The following CBX6 variants were observed in gnomAD, a reference collection of about 807,000 sequenced individuals.
CBX6 encodes the protein chromobox 6.
Under a neutral mutation model 28.4 loss-of-function variants are expected in CBX6, and 7 were observed. The observed-to-expected ratio is 0.25, with a 90% CI of 0.14 to 0.46. The LOEUF is 0.46. CBX6 is among the 20% of genes least tolerant of loss of function. CBX6 has a pLI of 0.99. For synonymous variants in CBX6, 297 were observed against 273.4 expected (o/e 1.09, Z -0.85); for missense variants, 512 against 606.1 (o/e 0.84, Z 1.63).
At chr22:38,869,320 G>C (rs1157788400) in intron 4 of CBX6, among the ~76,000 whole-genome samples, 2 of 152,162 alleles carry the variant, frequency 1.3e-5, no homozygotes, top group Non-Finnish European at 2.9e-5. Flanking sequence ...GCAAATGGCA[G>C]GCCCGGAAAG....
chr22:38,866,536 G>A lies in CBX6; in HGVS notation c.912C>T (p.Ala304=), dbSNP rs776713377. 6.3e-7 allele frequency: 1 copy of A among 1,580,394 alleles called. No homozygotes were observed. The highest frequency in any genetic ancestry group is 1.8e-5 in the Admixed American group (1 of 56,592). ...KLLPETVSPS[A]PSWREPEVLD... is the part of the protein sequence containing the mutation. ...GCACCTCCGGCTCGCGCCAGCTGGG[G>A]GCGGATGGGCTCACGGTCTCGGGGA... Residue 304 remains alanine, a synonymous_variant, in exon 5 of 5, where the codon GCC becomes GCT. Transcript: ENST00000407418. The surrounding 1 kb of genome is among the most constrained non-coding windows in gnomAD (Gnocchi z 7.5).
In CBX6 at chr22:38,861,795, T is replaced by G. The variant is rs948141649; in HGVS notation, c.*4414A>C. On this transcript the variant is annotated 3_prime_UTR_variant, in exon 5 of 5. Coordinates refer to ENST00000407418, the MANE Select transcript of CBX6 (RefSeq NM_014292.5). ...AAAGTTTAGCCAGCTGGGAGCTGGA[T>G]GGTTGAACCACATACAAAGGCAACA... 2.0e-5 allele frequency: 3 copies of G among 152,202 alleles called. No homozygotes were observed. Among genetic ancestry groups the G allele is most frequent in the African/African-American group, 7.2e-5 (3 of 41,446 alleles). The allele number at this position is 152,202 out of a possible 1,614,324, so 9.4% of individuals were successfully genotyped here.
Position 38,866,091 on chromosome 22 carries a change from G to A in CBX6, c.*118C>T. On this transcript the variant is annotated 3_prime_UTR_variant, in exon 5 of 5. Coordinates refer to ENST00000407418, the MANE Select transcript of CBX6 (RefSeq NM_014292.5). This position sits in a 1 kb window ranked among gnomAD's most constrained non-coding sequence, Gnocchi z 7.5. ...AGCCCCATCCCTGGGTCAACACCGA[G>A]CCATTTGAGACAAGCAAAGCACAGG... 1.2e-6 allele frequency: 1 copy of A among 824,544 alleles called. No individual in the cohort carries two copies. The highest frequency in any genetic ancestry group is 1.9e-6 in the Non-Finnish European group (1 of 536,984). 51.1% of individuals were successfully genotyped at this position (824,544 alleles called of 1,614,324 possible).
At chr22:38,869,858 T>C (rs903724965) in intron 4 of CBX6, 9 of 152,222 alleles carry the variant, frequency 5.9e-5, no homozygotes, top group African/African-American at 1.9e-4. Context: ...CATGGGCTCC[T>C]GTTTGCTTCA....
In CBX6 at chr22:38,871,230, C is replaced by T. The variant is rs2093181344; in HGVS notation, c.246+250G>A. ...CCCTTTCCTGGAGCCCTAAAGGCAT[C>T]CCCAGCCCCTGGTTTCAACAGGGAG... On this transcript the variant is annotated intron_variant, in intron 4 of 4. Coordinates refer to ENST00000407418, the MANE Select transcript of CBX6 (RefSeq NM_014292.5). This position sits in a 1 kb window ranked among gnomAD's most constrained non-coding sequence, Gnocchi z 5.6. 1 of 585,998 alleles carries T rather than the reference C, an allele frequency of 1.7e-6. No individual in the cohort carries two copies. Among genetic ancestry groups the T allele is most frequent in the Admixed American group, 3.2e-5 (1 of 31,512 alleles). 36.3% of individuals were successfully genotyped at this position (585,998 alleles called of 1,614,324 possible). A position where few individuals can be genotyped will look rare whatever the true frequency, so the allele number is the denominator to read the frequency against.
intron 4 of CBX6, among the ~76,000 whole-genome samples, chr22:38,868,322 T>C (rs574669010): frequency 6.6e-6 from 1 of 152,182 alleles, no homozygotes; most frequent in East Asian, 1.9e-4. Flanking sequence ...GAATATGAAG[T>C]GATTTCGTGC....
In CBX6 at chr22:38,871,992, C is replaced by T; in HGVS notation, c.70-47G>A. The T allele has an allele frequency of 2.2e-6, 3 of 1,354,136 alleles. No homozygotes were observed. Among genetic ancestry groups the T allele is most frequent in the Non-Finnish European group, 3.0e-6 (3 of 1,012,024 alleles). 83.9% of individuals were successfully genotyped at this position (1,354,136 alleles called of 1,614,324 possible). A position where few individuals can be genotyped will look rare whatever the true frequency, so the allele number is the denominator to read the frequency against. On this transcript the variant is annotated intron_variant, in intron 1 of 4. Transcript: ENST00000407418. The surrounding 1 kb of genome is among the most constrained non-coding windows in gnomAD (Gnocchi z 5.6). ...AACGGGGGTGGGGGTGGGGAGGATGCGGGGACGCGAGGAGGCGGCGGCGCG... is the reference window on the plus strand; with the variant it reads ...AACGGGGGTGGGGGTGGGGAGGATGTGGGGACGCGAGGAGGCGGCGGCGCG...
Position 38,864,027 on chromosome 22 carries a change from C to T in CBX6, c.*2182G>A, listed in dbSNP as rs735306. ...TGTTGTCCTTCCCTTTGAGCAAGCACGGGTGTGGAGATCTGGGTCCAGGCC... is the reference window on the plus strand; with the variant it reads ...TGTTGTCCTTCCCTTTGAGCAAGCATGGGTGTGGAGATCTGGGTCCAGGCC... On this transcript the variant is annotated 3_prime_UTR_variant, in exon 5 of 5. Coordinates refer to ENST00000407418, the MANE Select transcript of CBX6 (RefSeq NM_014292.5). 0.5 allele frequency: 76,483 copies of T among 152,118 alleles called. 22,739 individuals are homozygous for T. The highest frequency in any genetic ancestry group is 0.84 in the African/African-American group (34,924 of 41,514). 9.4% of individuals were successfully genotyped at this position (152,118 alleles called of 1,614,324 possible). A position where few individuals can be genotyped will look rare whatever the true frequency, so the allele number is the denominator to read the frequency against.
At position 38,866,435 on chromosome 22, in the gene CBX6, G is replaced by A. The variant is rs745679342; in HGVS notation, c.1013C>T (p.Pro338Leu). 14 of 1,609,182 alleles carry A rather than the reference G, an allele frequency of 8.7e-6. No individual in the cohort carries two copies. In the Admixed American group the frequency reaches 2.0e-4, roughly 23 times the overall value. Reference protein sequence around the residue: ...APPEVTAAAGPAPPTAPEPAG... With the variant: ...APPEVTAAAGLAPPTAPEPAG... ...GGGCTCAGGGGCCGTGGGAGGTGCC[G>A]GGCCGGCAGCAGCTGTGACCTCAGG... Residue 338 changes from proline (P) to leucine (L), a missense_variant, in exon 5 of 5, where the codon CCG becomes CTG. Physicochemically the swap from Pro to Leu is moderately conservative, Grantham distance 98. This residue lies in a region of CBX6 where 290 missense variants were observed against 274.1 expected (regional missense o/e 1.06). Coordinates refer to ENST00000407418, the MANE Select transcript of CBX6 (RefSeq NM_014292.5). The surrounding 1 kb of genome is among the most constrained non-coding windows in gnomAD (Gnocchi z 7.5).
At position 38,866,477 on chromosome 22, in the gene CBX6, G is replaced by C; in HGVS notation, c.971C>G (p.Thr324Ser). 6.2e-7 allele frequency: 1 copy of C among 1,600,674 alleles called. No homozygotes were observed. Among genetic ancestry groups the C allele is most frequent in the Non-Finnish European group, 8.5e-7 (1 of 1,177,192 alleles). The change falls in exon 5 of 5, where the codon ACC (threonine) becomes AGC (serine). Residue 324 changes from threonine to serine, a missense_variant. By Grantham distance (58) the Thr-to-Ser change is moderately conservative. This residue lies in a region of CBX6 where 290 missense variants were observed against 274.1 expected (regional missense o/e 1.06). Coordinates refer to ENST00000407418, the MANE Select transcript of CBX6 (RefSeq NM_014292.5). This position sits in a 1 kb window ranked among gnomAD's most constrained non-coding sequence, Gnocchi z 7.5. ...DLSLPPESAA[T>S]SKRAPPEVTA... ...GACCTCAGGCGGTGCCCGCTTGCTG[G>C]TGGCTGCCGACTCGGGAGGGAGGGA...
Position 38,871,420 on chromosome 22 carries a change from CGTGCTGTGCCGGGGCTGGGGGCCCGAG to C in CBX6, c.246+33_246+59del. The C allele has an allele frequency of 6.6e-7, 1 of 1,511,806 alleles. No individual in the cohort carries two copies. The highest frequency in any genetic ancestry group is 1.4e-5 in the African/African-American group (1 of 71,886). The allele number at this position is 1,511,806 out of a possible 1,614,324, so 93.6% of individuals were successfully genotyped here. On this transcript the variant is annotated intron_variant, in intron 4 of 4. Transcript: ENST00000407418. This position sits in a 1 kb window ranked among gnomAD's most constrained non-coding sequence, Gnocchi z 5.6. ...GTATCTGTCCCTCCCTTCCAGGCCCCGTGCTGTGCCGGGGCTGGGGGCCCGAGAGGGGGATGCTGCTGGGGCTGGGCC... is the reference window on the plus strand; with the variant it reads ...GTATCTGTCCCTCCCTTCCAGGCCCCAGGGGGATGCTGCTGGGGCTGGGCC...
chr22:38,871,691 C>T lies in CBX6; in HGVS notation c.179+1G>A. Reference sequence around the variant, plus strand: ...CCCTGCCAGCTTCCCCAACAACTCACTTTTGTTCGAAGGCTGCAATGAGCC... The same window carrying T: ...CCCTGCCAGCTTCCCCAACAACTCATTTTTGTTCGAAGGCTGCAATGAGCC... On this transcript the variant is annotated splice_donor_variant, in intron 3 of 4. Transcript: ENST00000407418. LOFTEE classifies it high-confidence loss of function. This position sits in a 1 kb window ranked among gnomAD's most constrained non-coding sequence, Gnocchi z 5.6. The T allele has an allele frequency of 6.2e-7, 1 of 1,613,482 alleles. No individual in the cohort carries two copies. The highest frequency in any genetic ancestry group is 8.5e-7 in the Non-Finnish European group (1 of 1,179,662).
At chr22:38,867,305 T>C in intron 4 of CBX6, 104 bp from the exon 5 acceptor site, 1 of 994,504 alleles carries the variant, frequency 1.0e-6, no homozygotes, top group Non-Finnish European at 1.4e-6. Context: ...CAGCCAGCGA[T>C]CCCGAGATCA....
Position 38,866,183 on chromosome 22 carries a change from A to C in CBX6, c.*26T>G. The C allele has an allele frequency of 2.4e-5, 36 of 1,489,722 alleles. No individual in the cohort carries two copies. The highest frequency in any genetic ancestry group is 1.9e-4 in the Admixed American group (10 of 52,666). 92.3% of individuals were successfully genotyped at this position (1,489,722 alleles called of 1,614,324 possible). Reference sequence around the variant, plus strand: ...TGACTTCGGGCAGGAGGGCCCCCCCAAGCCCCCCTCCTTGGTGGAGCCCCC... The same window carrying C: ...TGACTTCGGGCAGGAGGGCCCCCCCCAGCCCCCCTCCTTGGTGGAGCCCCC... On this transcript the variant is annotated 3_prime_UTR_variant, in exon 5 of 5. Transcript: ENST00000407418. This position sits in a 1 kb window ranked among gnomAD's most constrained non-coding sequence, Gnocchi z 7.5.
chr22:38,862,518 C>CAAAAAAAAAAAAAA lies in CBX6; in HGVS notation c.*3677_*3690dup, dbSNP rs3042739. ...TCCACTGTCCTGTGTGGGCGAAGTG[C>CAAAAAAAAAAAAAA]AAAAAAAAAAAAAAAAAAAAAAAAA... On this transcript the variant is annotated 3_prime_UTR_variant, in exon 5 of 5. Coordinates refer to ENST00000407418, the MANE Select transcript of CBX6 (RefSeq NM_014292.5). 3.0e-3 allele frequency: 83 copies of CAAAAAAAAAAAAAA among 27,438 alleles called. No homozygotes were observed. The highest frequency in any genetic ancestry group is 5.1e-3 in the South Asian group (3 of 584). 1.7% of individuals were successfully genotyped at this position (27,438 alleles called of 1,614,324 possible).
Position 38,866,750 on chromosome 22 carries a change from G to A in CBX6, c.698C>T (p.Ala233Val). 1.2e-6 allele frequency: 2 copies of A among 1,609,614 alleles called. No individual in the cohort carries two copies. The highest frequency in any genetic ancestry group is 1.7e-6 in the Non-Finnish European group (2 of 1,178,036). Residue 233 changes from alanine to valine, a missense_variant, in exon 5 of 5, where the codon GCG becomes GTG. Physicochemically the swap from Ala to Val is moderately conservative, Grantham distance 64. Transcript: ENST00000407418. This position sits in a 1 kb window ranked among gnomAD's most constrained non-coding sequence, Gnocchi z 7.5. ...GGGGGCGGGCGGAGGCTTGTACAGC[G>A]CAAAGGCGCCGAACTTCATGTGGCG... ...QIRHMKFGAF[A>V]LYKPPPAPLV...
chr22:38,871,792 G>A lies in CBX6; in HGVS notation c.114-35C>T. 1 of 1,600,922 alleles carries A rather than the reference G, an allele frequency of 6.2e-7. No homozygotes were observed. ...CACAAACGCACAAAATCAGGATGAA[G>A]ACCAGAGAGGGACAGGCACGCGGCG... is the stretch of plus-strand genomic sequence containing the variant. On this transcript the variant is annotated intron_variant, in intron 2 of 4. Coordinates refer to ENST00000407418, the MANE Select transcript of CBX6 (RefSeq NM_014292.5). The surrounding 1 kb of genome is among the most constrained non-coding windows in gnomAD (Gnocchi z 5.6).
rs1273379052 is a variant in CBX6 at position 38,862,964 on chromosome 22, A to G, written c.*3245T>C. Reference sequence around the variant, plus strand: ...ATCCCCCCAACTCTGTCCACCTCACACTGAAGTTGGGGACTTGATCATCAC... The same window carrying G: ...ATCCCCCCAACTCTGTCCACCTCACGCTGAAGTTGGGGACTTGATCATCAC... On this transcript the variant is annotated 3_prime_UTR_variant, in exon 5 of 5. Coordinates refer to ENST00000407418, the MANE Select transcript of CBX6 (RefSeq NM_014292.5). The G allele has an allele frequency of 6.6e-6, 1 of 152,242 alleles. No homozygotes were observed. Among genetic ancestry groups the G allele is most frequent in the Admixed American group, 6.5e-5 (1 of 15,290 alleles). 9.4% of individuals were successfully genotyped at this position (152,242 alleles called of 1,614,324 possible).
chr22:38,868,965 T>TCC (rs1422395805), intron 4 of CBX6, among the ~76,000 whole-genome samples: 1 of 152,188 alleles, frequency 6.6e-6, no homozygotes, highest in Non-Finnish European at 1.5e-5. Flanking sequence ...GGACTGTGAC[T>TCC]CCACGTGGTC....
Sources: gnomAD v4.1 joint callset for allele counts (sites outside exome capture counted in the v4.1 genomes callset) on GRCh38, gnomAD v4.1.1 for gene constraint, gnomAD v4.1.1 regional missense constraint, Gnocchi (gnomAD v3.1) non-coding constraint, MANE v1.5 for transcripts, NCBI Gene and HGNC (gene_info 2026-07-23, HGNC 2026-07-21) for gene names.